Variants in B3GALNT1 observed in about 807,000 individuals in gnomAD.
B3GALNT1 encodes the protein UDP-GalNAc:beta-1,3-N-acetylgalactosaminyltransferase 1.
Under a neutral mutation model 27.3 loss-of-function variants are expected in B3GALNT1, and 17 were observed. That is an observed-to-expected ratio of 0.62 (90% CI 0.43 to 0.94). B3GALNT1 has a LOEUF of 0.94. B3GALNT1 is among the 40% of genes least tolerant of loss of function. B3GALNT1 has a pLI of 0.00. For missense variants in B3GALNT1, 347 were observed against 390.0 expected (o/e 0.89, Z 0.93); for synonymous variants, 141 against 144.0 (o/e 0.98, Z 0.15).
intron 4 of B3GALNT1, chr3:161,090,054 G>A (rs753568489): frequency 2.4e-5 from 4 of 169,262 alleles, no homozygotes; most frequent in Non-Finnish European, 4.0e-5. Context: ...GGGCAACAGA[G>A]CAGCAAGACT....
intron 3 of B3GALNT1, among the ~76,000 whole-genome samples, chr3:161,101,469 T>C (rs1731224932): frequency 6.6e-6 from 1 of 152,188 alleles, no homozygotes; most frequent in African/African-American, 2.4e-5. Context: ...TCTGAGGGTA[T>C]TTCATTCCTT....
intron 4 of B3GALNT1, among the ~76,000 whole-genome samples, chr3:161,099,155 CCTG>C (rs1442393671): frequency 6.6e-6 from 1 of 152,174 alleles, no homozygotes; most frequent in Non-Finnish European, 1.5e-5. Flanking sequence ...GACTTGTCCT[CCTG>C]CTGATGTTCT....
At chr3:161,104,485 G>C in intron 1 of B3GALNT1, 79 bp from the exon 2 acceptor site, 2 of 580,988 alleles carry the variant, frequency 3.4e-6, no homozygotes, top group South Asian at 1.8e-5. Flanking sequence ...GAAGGCGAAC[G>C]GATACTGAAT....
chr3:161,101,012 C>T (rs1250084548), intron 4 of B3GALNT1, 127 bp downstream of exon 4: 1 of 571,690 alleles, frequency 1.7e-6, no homozygotes, highest in Non-Finnish European at 2.8e-6. Flanking sequence ...TCAAGCCCTT[C>T]AACTCCAAAT....
intron 4 of B3GALNT1, among the ~76,000 whole-genome samples, chr3:161,097,260 C>T (rs1327744513): frequency 1.3e-5 from 2 of 152,086 alleles, no homozygotes; most frequent in Non-Finnish European, 2.9e-5. Context: ...TGAAATAATA[C>T]GCGCTAAACA....
chr3:161,100,690 G>C (rs919181071), intron 4 of B3GALNT1, among the ~76,000 whole-genome samples: 1 of 152,114 alleles, frequency 6.6e-6, no homozygotes, highest in Non-Finnish European at 1.5e-5. Flanking sequence ...AGAAAAATGA[G>C]GAGCAAACAA....
In B3GALNT1 at chr3:161,085,880, A is replaced by G; in HGVS notation, c.875T>C (p.Leu292Pro). ...ACAGACATCCAAATGGATTCTATAT[A>G]GAAAGAAAAGATTTGTGTCTTCTGG... ...HIPEDTNLFF[L>P]YRIHLDVCQL... Residue 292 changes from leucine (L) to proline (P), a missense_variant, in exon 5 of 5, where the codon CTA becomes CCA. Transcript: ENST00000320474. 1 of 1,613,768 alleles carries G rather than the reference A, an allele frequency of 6.2e-7. No individual in the cohort carries two copies. Among genetic ancestry groups the G allele is most frequent in the Non-Finnish European group, 8.5e-7 (1 of 1,179,808 alleles).
At chr3:161,090,717 G>A (rs1456232422) in intron 4 of B3GALNT1, among the ~76,000 whole-genome samples, 1 of 151,494 alleles carries the variant, frequency 6.6e-6, no homozygotes, top group African/African-American at 2.4e-5. Context: ...AAAAAAAATT[G>A]TTTAGAAGCT....
In B3GALNT1 at chr3:161,105,344, G is replaced by A. The variant is rs1024029115; in HGVS notation, c.-418C>T. Reference sequence around the variant, plus strand: ...CCGCACGCACGGCCGGGCGCGCGCAGACCACGCGCCAGGGCCGCGGCCGGA... The same window carrying A: ...CCGCACGCACGGCCGGGCGCGCGCAAACCACGCGCCAGGGCCGCGGCCGGA... On this transcript the variant is annotated 5_prime_UTR_variant, in exon 1 of 5. Coordinates refer to ENST00000320474, the MANE Select transcript of B3GALNT1 (RefSeq NM_003781.4). 3.9e-5 allele frequency: 6 copies of A among 151,992 alleles called. No homozygotes were observed. The highest frequency in any genetic ancestry group is 8.8e-5 in the Non-Finnish European group (6 of 67,964). The allele number at this position is 151,992 out of a possible 1,614,324, so 9.4% of individuals were successfully genotyped here. A position where few individuals can be genotyped will look rare whatever the true frequency, so the allele number is the denominator to read the frequency against.
At position 161,101,215 on chromosome 3, in the gene B3GALNT1, G is replaced by C. The variant is rs1407000631; in HGVS notation, c.-111C>G. On this transcript the variant is annotated 5_prime_UTR_variant, in exon 4 of 5. Coordinates refer to ENST00000320474, the MANE Select transcript of B3GALNT1 (RefSeq NM_003781.4). Reference sequence around the variant, plus strand: ...CGGGAAGAGCCAACAGGTCAACCGGGTCCAGGGAGCTAAGAAAACTGGAGC... The same window carrying C: ...CGGGAAGAGCCAACAGGTCAACCGGCTCCAGGGAGCTAAGAAAACTGGAGC... The C allele has an allele frequency of 5.4e-6, 7 of 1,289,784 alleles. No homozygotes were observed. The highest frequency in any genetic ancestry group is 7.1e-6 in the Non-Finnish European group (7 of 988,894). The allele number at this position is 1,289,784 out of a possible 1,614,324, so 79.9% of individuals were successfully genotyped here. A position where few individuals can be genotyped will look rare whatever the true frequency, so the allele number is the denominator to read the frequency against.
chr3:161,093,487 G>C (rs1261537317), intron 4 of B3GALNT1, among the ~76,000 whole-genome samples: 1 of 152,050 alleles, frequency 6.6e-6, no homozygotes, highest in Non-Finnish European at 1.5e-5. Flanking sequence ...TGCCTCCTTA[G>C]GACAGCTGAG....
Position 161,101,151 on chromosome 3 carries a change from G to C in B3GALNT1, c.-47C>G. On this transcript the variant is annotated 5_prime_UTR_variant, in exon 4 of 5. Transcript: ENST00000320474. ...GAAGCAGACACACCTTTACACTCGG[G>C]GTGAGTAGTCGGAGAGCACCACGTG... 1 of 1,289,720 alleles carries C rather than the reference G, an allele frequency of 7.8e-7. No homozygotes were observed. Among genetic ancestry groups the C allele is most frequent in the East Asian group, 5.6e-5 (1 of 17,998 alleles). The allele number at this position is 1,289,720 out of a possible 1,614,324, so 79.9% of individuals were successfully genotyped here.
rs938914533 is a variant in B3GALNT1, at chr3:161,103,422, C to T, written c.-130+5G>A. On this transcript the variant is annotated splice_donor_5th_base_variant and intron_variant, in intron 3 of 4. Coordinates refer to ENST00000320474, the MANE Select transcript of B3GALNT1 (RefSeq NM_003781.4). The stretch of plus-strand genomic sequence containing the variant: ...AATTTATAAGTTAAAAGTAGATGAA[C>T]TTACCTGTGGAATTCCAGATGAAAT... The T allele has an allele frequency of 1.3e-4, 158 of 1,230,132 alleles. No homozygotes were observed. Among genetic ancestry groups the T allele is most frequent in the Non-Finnish European group, 1.7e-4 (155 of 936,852 alleles). The allele number at this position is 1,230,132 out of a possible 1,614,324, so 76.2% of individuals were successfully genotyped here.
rs561657915 is a variant in B3GALNT1 at position 161,085,585 on chromosome 3, C to T, written c.*174G>A. The T allele has an allele frequency of 6.3e-5, 42 of 663,638 alleles. No homozygotes were observed. The highest frequency in any genetic ancestry group is 5.1e-4 in the African/African-American group (28 of 55,248). 41.1% of individuals were successfully genotyped at this position (663,638 alleles called of 1,614,324 possible). A position where few individuals can be genotyped will look rare whatever the true frequency, so the allele number is the denominator to read the frequency against. ...TCCTCCACATATCATCTTTGAAGGG[C>T]CTGACTAATAAATCACAAGTGTAAC... On this transcript the variant is annotated 3_prime_UTR_variant, in exon 5 of 5. Transcript: ENST00000320474.
intron 4 of B3GALNT1, among the ~76,000 whole-genome samples, chr3:161,091,088 T>G (rs1253844061): frequency 1.3e-5 from 2 of 152,002 alleles, no homozygotes; most frequent in African/African-American, 4.8e-5. Flanking sequence ...GGCAACATAG[T>G]GAGACCCTGT....
chr3:161,098,159 G>A (rs1281949958), intron 4 of B3GALNT1, among the ~76,000 whole-genome samples: 1 of 152,102 alleles, frequency 6.6e-6, no homozygotes, highest in Non-Finnish European at 1.5e-5. Context: ...GCAATCTTAT[G>A]AAGTAGGCAC....
Position 161,086,747 on chromosome 3 carries a change from G to C in B3GALNT1, c.8C>G (p.Ser3Trp), listed in dbSNP as rs552493375. Residue 3 changes from serine to tryptophan, a missense_variant, in exon 5 of 5, where the codon TCG (serine) becomes TGG (tryptophan). Physicochemically the swap from Ser to Trp is radical, Grantham distance 177. Transcript: ENST00000320474. ...ACTCGGAAGGACAGTCCAGAGAGCC[G>C]AGGCCATCCACAGCAGCTCAGAAGC... is the stretch of plus-strand genomic sequence containing the variant. MA[S>W]ALWTVLPSRM... The C allele has an allele frequency of 6.2e-7, 1 of 1,613,804 alleles. No homozygotes were observed.
Position 161,086,729 on chromosome 3 carries a change from A to G in B3GALNT1, c.26T>C (p.Leu9Pro). 6.2e-7 allele frequency: 1 copy of G among 1,614,116 alleles called. No individual in the cohort carries two copies. The highest frequency in any genetic ancestry group is 1.3e-5 in the African/African-American group (1 of 75,072). ...GGATCTCAGTGACATCCTACTCGGA[A>G]GGACAGTCCAGAGAGCCGAGGCCAT... MASALWTV[L>P]PSRMSLRSLK... Residue 9 changes from leucine to proline, a missense_variant, in exon 5 of 5, where the codon CTT becomes CCT. Transcript: ENST00000320474.
intron 4 of B3GALNT1, among the ~76,000 whole-genome samples, chr3:161,089,580 G>A (rs34727550): frequency 0.027 from 4,146 of 152,074 alleles, 201 homozygotes; most frequent in African/African-American, 0.094. Context: ...AACAAATATA[G>A]AACACTATCT....
Sources: allele counts gnomAD v4.1 joint callset (sites outside exome capture counted in the v4.1 genomes callset), GRCh38; gene constraint gnomAD v4.1.1; transcripts MANE v1.5; gene names NCBI Gene and HGNC (gene_info 2026-07-23, HGNC 2026-07-21).